Variants in PTPRD observed in about 807,000 individuals in gnomAD.
The protein encoded by PTPRD is protein tyrosine phosphatase receptor type D, also known as receptor-type tyrosine-protein phosphatase delta.
Under a neutral mutation model 214.5 loss-of-function variants are expected in PTPRD, and 34 were observed. The ratio of observed to expected loss-of-function variants is 0.16; its 90% CI spans 0.12 to 0.21. The LOEUF (loss-of-function observed/expected upper bound fraction) is 0.21, where lower values mean the gene tolerates loss of function less well. PTPRD is among the 10% of genes least tolerant of loss of function. PTPRD has a pLI of 1.00. For synonymous variants in PTPRD, 1,128 were observed against 845.7 expected (o/e 1.33, Z -5.79); for missense variants, 2,545 against 2,398.7 (o/e 1.06, Z -1.27).
chr9:10,512,441 G>T (rs2048612256), intron 2 of PTPRD, among the ~76,000 whole-genome samples: 1 of 152,092 alleles, frequency 6.6e-6, no homozygotes, highest in Admixed American at 6.6e-5. Context: ...GAAAGGGCCG[G>T]AGGAAAGGCT....
intron 37 of PTPRD, among the ~76,000 whole-genome samples, chr9:8,382,896 G>A (rs1396279603): frequency 3.9e-5 from 6 of 152,306 alleles, no homozygotes; most frequent in South Asian, 2.1e-4. Context: ...GGCCTTTGGC[G>A]CTTCCAGTTC....
intron 35 of PTPRD, among the ~76,000 whole-genome samples, chr9:8,411,439 G>A (rs193220392): frequency 5.9e-5 from 9 of 152,254 alleles, no homozygotes; most frequent in Non-Finnish European, 1.3e-4. Context: ...AAGTAGCTGG[G>A]ATTACAGGCA....
intron 3 of PTPRD, among the ~76,000 whole-genome samples, chr9:10,209,257 A>G (rs909918770): frequency 1.3e-5 from 2 of 152,224 alleles, no homozygotes; most frequent in Admixed American, 6.5e-5. Context: ...AGAAAAACCC[A>G]TGAAAACACA....
At chr9:10,107,698 A>G (rs1399154999) in intron 3 of PTPRD, among the ~76,000 whole-genome samples, 1 of 152,096 alleles carries the variant, frequency 6.6e-6, no homozygotes, top group Non-Finnish European at 1.5e-5. Flanking sequence ...TTGTTTCCAC[A>G]GTATCTGGTA....
chr9:8,327,490 T>C (rs1282104699), intron 44 of PTPRD, among the ~76,000 whole-genome samples: 1 of 152,206 alleles, frequency 6.6e-6, no homozygotes, highest in African/African-American at 2.4e-5. Context: ...AATTTGGTGC[T>C]GAGAAGAATG....
rs142491982 is a variant in PTPRD at position 10,314,038 on chromosome 9, C to G, written c.-545+26925G>C. ...GATGATACAGGAGTGGTAACAGAAG[C>G]TTATAAGTGAGAGATAGTTTAAAAT... is the stretch of plus-strand genomic sequence containing the variant. On this transcript the variant is annotated intron_variant, in intron 3 of 45. Transcript: ENST00000381196. Among the ~76,000 whole-genome samples the G allele has an allele frequency of 2.5e-3, 381 of 151,884 alleles. 2 individuals are homozygous for G. The highest frequency in any genetic ancestry group is 2.4e-3 in the Non-Finnish European group (163 of 67,902).
chr9:8,577,036 G>T (rs1335718498), intron 14 of PTPRD, among the ~76,000 whole-genome samples: 2 of 151,952 alleles, frequency 1.3e-5, no homozygotes, highest in South Asian at 2.1e-4. Context: ...CTTCAAAACA[G>T]CAAATATATT....
chr9:10,186,401 T>C (rs1423054513), intron 3 of PTPRD, among the ~76,000 whole-genome samples: 14 of 152,120 alleles, frequency 9.2e-5, no homozygotes, highest in Admixed American at 2.6e-4. Context: ...AGTTCTTAAA[T>C]GACTAAAATA....
chr9:8,534,312 A>G (rs1021857842), intron 14 of PTPRD, among the ~76,000 whole-genome samples: 1 of 151,904 alleles, frequency 6.6e-6, no homozygotes, highest in African/African-American at 2.4e-5. Flanking sequence ...TCTATATTCT[A>G]CTGTTATTCT....
chr9:9,699,654 C>A (rs1379950182), intron 7 of PTPRD, among the ~76,000 whole-genome samples: 1 of 152,120 alleles, frequency 6.6e-6, no homozygotes, highest in Non-Finnish European at 1.5e-5. Context: ...AACTAAGTGC[C>A]TTGGTCACAA....
chr9:9,604,090 C>CT (rs1165584151), intron 7 of PTPRD, among the ~76,000 whole-genome samples: 2 of 151,424 alleles, frequency 1.3e-5, no homozygotes, highest in Non-Finnish European at 2.9e-5. Context: ...ACTAAAATTT[C>CT]TTTTTTTTCT....
intron 4 of PTPRD, among the ~76,000 whole-genome samples, chr9:9,945,574 A>G (rs1279365384): frequency 2.0e-5 from 3 of 152,166 alleles, no homozygotes; most frequent in Non-Finnish European, 4.4e-5. Flanking sequence ...TAAGTAATGC[A>G]AGTTGAAGAA....
At chr9:8,963,484 T>A (rs1236983231) in intron 11 of PTPRD, among the ~76,000 whole-genome samples, 1 of 152,184 alleles carries the variant, frequency 6.6e-6, no homozygotes, top group African/African-American at 2.4e-5. Flanking sequence ...TTGGATTCTA[T>A]CAAAAACTTT....
intron 10 of PTPRD, among the ~76,000 whole-genome samples, chr9:9,181,390 A>G (rs2131420345): frequency 6.6e-6 from 1 of 151,824 alleles, no homozygotes; most frequent in East Asian, 1.9e-4. Context: ...TCCTGTTTTG[A>G]GAAGGTGAAC....
At chr9:10,275,842 G>C (rs935031118) in intron 3 of PTPRD, among the ~76,000 whole-genome samples, 1 of 152,158 alleles carries the variant, frequency 6.6e-6, no homozygotes, top group Non-Finnish European at 1.5e-5. Flanking sequence ...GCCCCAAGTG[G>C]AGAAAAATCC....
intron 10 of PTPRD, among the ~76,000 whole-genome samples, chr9:9,133,196 T>A (rs10511521): frequency 6.6e-6 from 1 of 152,090 alleles, no homozygotes; most frequent in Non-Finnish European, 1.5e-5. Flanking sequence ...CCTAAAACCA[T>A]TGGAAGAGAA....
intron 3 of PTPRD, among the ~76,000 whole-genome samples, chr9:10,143,127 G>A (rs76068483): frequency 6.6e-6 from 1 of 152,102 alleles, no homozygotes; most frequent in African/African-American, 2.4e-5. Flanking sequence ...ACTGTTGTGA[G>A]GTGGGGGGAG....
chr9:9,748,633 G>A (rs983016267), intron 6 of PTPRD, among the ~76,000 whole-genome samples: 1 of 152,172 alleles, frequency 6.6e-6, no homozygotes, highest in East Asian at 1.9e-4. Context: ...ATGACTGATA[G>A]CTGCTGAAGT....
chr9:9,817,891 A>G (rs1236563545), intron 5 of PTPRD, among the ~76,000 whole-genome samples: 1 of 152,230 alleles, frequency 6.6e-6, no homozygotes, highest in African/African-American at 2.4e-5. Context: ...GGAGCTAGTT[A>G]GCAAGATCAA....
Sources: allele counts gnomAD v4.1 joint callset (sites outside exome capture counted in the v4.1 genomes callset), GRCh38; gene constraint gnomAD v4.1.1; transcripts MANE v1.5; gene names NCBI Gene and HGNC (gene_info 2026-07-23, HGNC 2026-07-21).